Variants in PXDC1 observed in about 807,000 individuals in gnomAD.
The protein encoded by PXDC1 is PX domain-containing protein 1.
PXDC1 carries 13 observed loss-of-function variants against 24.4 expected under a neutral mutation model. That is an observed-to-expected ratio of 0.53 (90% CI 0.35 to 0.85). The LOEUF is 0.85. PXDC1 is among the 40% of genes least tolerant of loss of function. PXDC1 has a pLI of 0.01. For missense variants in PXDC1, 344 were observed against 309.3 expected (o/e 1.11, Z -0.84); for synonymous variants, 162 against 124.9 (o/e 1.30, Z -1.98).
intron 1 of PXDC1, among the ~76,000 whole-genome samples, chr6:3,746,996 T>C (rs916290438): frequency 6.6e-6 from 1 of 152,112 alleles, no homozygotes; most frequent in African/African-American, 2.4e-5. Context: ...AGCATGCAGG[T>C]AGATGAATGT....
chr6:3,748,515 C>T (rs747592393), intron 1 of PXDC1, among the ~76,000 whole-genome samples: 2 of 152,142 alleles, frequency 1.3e-5, no homozygotes, highest in Non-Finnish European at 2.9e-5. Flanking sequence ...GATGTGTCAC[C>T]GTGACACATA....
rs927903597 is a variant in PXDC1 at position 3,737,261 on chromosome 6, CAA to C, written c.349-67_349-66del. The C allele has an allele frequency of 9.9e-6, 11 of 1,116,298 alleles. No individual in the cohort carries two copies. In the Admixed American group the frequency reaches 1.7e-4, roughly 18 times the overall value. The allele number at this position is 1,116,298 out of a possible 1,614,324, so 69.1% of individuals were successfully genotyped here. A position where few individuals can be genotyped will look rare whatever the true frequency, so the allele number is the denominator to read the frequency against. ...CTACACGTTGGCCCTGTCTGTCTAC[CAA>C]GAGAGGGCCCCGCTCCTCCGCAGAG... On this transcript the variant is annotated intron_variant, in intron 2 of 4. Transcript: ENST00000380283. This position sits in a 1 kb window ranked among gnomAD's most constrained non-coding sequence, Gnocchi z 5.5.
In PXDC1 at chr6:3,732,177, C is replaced by T. The variant is rs143688256; in HGVS notation, c.467-4515G>A. On this transcript the variant is annotated intron_variant, in intron 3 of 4. Transcript: ENST00000380283. ...AGATGCAGCTATGTTTTCATAGCCC[C>T]ACAAACGTCACAACCCCTCACTTCA... Among the ~76,000 whole-genome samples, 872 of 152,340 alleles carry T rather than the reference C, an allele frequency of 5.7e-3. 7 individuals are homozygous for T. Among genetic ancestry groups the T allele is most frequent in the Non-Finnish European group, 9.4e-3 (639 of 68,032 alleles).
rs749722162 is a variant in PXDC1 at position 3,728,775 on chromosome 6, C to T, written c.467-1113G>A. On this transcript the variant is annotated intron_variant, in intron 3 of 4. Transcript: ENST00000380283. This position sits in a 1 kb window ranked among gnomAD's most constrained non-coding sequence, Gnocchi z 4.0. ...TCTAGGTATAAAAAGCTGCAGCGTT[C>T]GTTTGTATTTTCTGAGGGACCGCGT... Among the ~76,000 whole-genome samples the T allele has an allele frequency of 6.6e-6, 1 of 152,150 alleles. No individual in the cohort carries two copies. Among genetic ancestry groups the T allele is most frequent in the Admixed American group, 6.5e-5 (1 of 15,278 alleles).
chr6:3,739,528 G>A (rs528237853), intron 1 of PXDC1, among the ~76,000 whole-genome samples: 3 of 152,240 alleles, frequency 2.0e-5, no homozygotes, highest in East Asian at 3.9e-4. Flanking sequence ...GGCAGGGTCC[G>A]TGGTCTGTGA....
chr6:3,749,980 TG>T (rs1426103968), intron 1 of PXDC1, among the ~76,000 whole-genome samples: 2 of 152,250 alleles, frequency 1.3e-5, no homozygotes, highest in Admixed American at 6.5e-5. Flanking sequence ...CAAGGAAAAC[TG>T]CTTCCATGCT....
intron 1 of PXDC1, among the ~76,000 whole-genome samples, chr6:3,745,439 A>G (rs1434836012): frequency 6.6e-6 from 1 of 152,234 alleles, no homozygotes; most frequent in Non-Finnish European, 1.5e-5. Context: ...CTGCGTGCGG[A>G]TATTATTACT....
chr6:3,734,863 T>C (rs765813386), intron 3 of PXDC1, among the ~76,000 whole-genome samples: 1 of 152,098 alleles, frequency 6.6e-6, no homozygotes, highest in Non-Finnish European at 1.5e-5. Context: ...GGCAGATGGA[T>C]TGCTTGAGCT....
At chr6:3,738,034 G>A (rs1301673674) in intron 2 of PXDC1, 23 bp downstream of exon 2, 1 of 1,605,570 alleles carries the variant, frequency 6.2e-7, no homozygotes, top group East Asian at 2.2e-5. Flanking sequence ...TCCCTGCCCA[G>A]CCCGGGGCCT....
In PXDC1 at chr6:3,738,126, G is replaced by C. The variant is rs888676562; in HGVS notation, c.279C>G (p.Ala93=). ...CATTAAGCCTGGTCTCTATGTCGTG[G>C]GCTTCCTTTATGGCAACCAGTCCTA... ...LRQGLVAIKE[A]HDIETRLNEV... The change falls in exon 2 of 5, where the codon GCC becomes GCG. Residue 93 remains alanine, a synonymous_variant. Coordinates refer to ENST00000380283, the MANE Select transcript of PXDC1 (RefSeq NM_183373.4). 8.7e-6 allele frequency: 14 copies of C among 1,613,922 alleles called. No homozygotes were observed. The highest frequency in any genetic ancestry group is 1.2e-5 in the Non-Finnish European group (14 of 1,179,970).
intron 1 of PXDC1, among the ~76,000 whole-genome samples, chr6:3,745,324 G>A (rs1283508488): frequency 1.3e-5 from 2 of 152,278 alleles, no homozygotes; most frequent in African/African-American, 2.4e-5. Flanking sequence ...CACGTGGCAA[G>A]TGCCAGGGCA....
intron 1 of PXDC1, among the ~76,000 whole-genome samples, chr6:3,747,408 C>T (rs2127602657): frequency 6.6e-6 from 1 of 152,288 alleles, no homozygotes; most frequent in South Asian, 2.1e-4. Flanking sequence ...GCCAAATCAC[C>T]TCTCTGCTCA....
Position 3,725,119 on chromosome 6 carries a change from C to T in PXDC1, c.579-1383G>A, listed in dbSNP as rs1347652485. Among the ~76,000 whole-genome samples the T allele has an allele frequency of 6.6e-6, 1 of 152,114 alleles. No individual in the cohort carries two copies. The highest frequency in any genetic ancestry group is 1.5e-5 in the Non-Finnish European group (1 of 68,022). On this transcript the variant is annotated intron_variant, in intron 4 of 4. Coordinates refer to ENST00000380283, the MANE Select transcript of PXDC1 (RefSeq NM_183373.4). This position sits in a 1 kb window ranked among gnomAD's most constrained non-coding sequence, Gnocchi z 4.8. Reference sequence around the variant, plus strand: ...CATCCAGGGAATGAAATCTCTTCCCCAGACCAGGGCTGGATGGAAACCCAA... The same window carrying T: ...CATCCAGGGAATGAAATCTCTTCCCTAGACCAGGGCTGGATGGAAACCCAA...
At chr6:3,745,563 CT>C (rs772396345) in intron 1 of PXDC1, among the ~76,000 whole-genome samples, 8 of 151,724 alleles carry the variant, frequency 5.3e-5, no homozygotes, top group Non-Finnish European at 7.4e-5. Context: ...AAAGCCAGTG[CT>C]TTCAGCCTGA....
chr6:3,744,881 G>A (rs959145683), intron 1 of PXDC1, among the ~76,000 whole-genome samples: 2 of 152,180 alleles, frequency 1.3e-5, no homozygotes, highest in African/African-American at 4.8e-5. Context: ...TCTATCTTTA[G>A]TAGAGACGGG....
In PXDC1 at chr6:3,723,205, C is replaced by T. The variant is rs796240378; in HGVS notation, c.*414G>A. The stretch of plus-strand genomic sequence containing the variant: ...CCCTCAAGACGTTTTGTGCGTTTGC[C>T]GTGGGAGGGAATGGTGGGGAGTCAG... On this transcript the variant is annotated 3_prime_UTR_variant, in exon 5 of 5. Coordinates refer to ENST00000380283, the MANE Select transcript of PXDC1 (RefSeq NM_183373.4). 2.0e-4 allele frequency: 36 copies of T among 178,958 alleles called. No homozygotes were observed. Among genetic ancestry groups the T allele is most frequent in the African/African-American group, 7.9e-4 (34 of 42,778 alleles). 11.1% of individuals were successfully genotyped at this position (178,958 alleles called of 1,614,324 possible). A position where few individuals can be genotyped will look rare whatever the true frequency, so the allele number is the denominator to read the frequency against.
Position 3,725,081 on chromosome 6 carries a change from A to T in PXDC1, c.579-1345T>A, listed in dbSNP as rs1389478882. Among the ~76,000 whole-genome samples the T allele has an allele frequency of 6.6e-6, 1 of 152,118 alleles. No homozygotes were observed. The highest frequency in any genetic ancestry group is 1.5e-5 in the Non-Finnish European group (1 of 68,004). On this transcript the variant is annotated intron_variant, in intron 4 of 4. Transcript: ENST00000380283. The surrounding 1 kb of genome is among the most constrained non-coding windows in gnomAD (Gnocchi z 4.8). ...TATGGGGGGCTCACGGAGACAGAGC[A>T]GCTCTCCAACTTCATCCAGGGAATG...
intron 3 of PXDC1, among the ~76,000 whole-genome samples, chr6:3,735,257 C>T (rs950866365): frequency 1.4e-4 from 22 of 152,260 alleles, no homozygotes; most frequent in African/African-American, 5.3e-4. Flanking sequence ...TAAAAAGACA[C>T]ATAGACCAAT....
rs1018773732 is a variant in PXDC1 at position 3,724,122 on chromosome 6, G to A, written c.579-386C>T. On this transcript the variant is annotated intron_variant, in intron 4 of 4. Transcript: ENST00000380283. This position sits in a 1 kb window ranked among gnomAD's most constrained non-coding sequence, Gnocchi z 4.5. ...TGCTGGGCCCTGGGGACAGCTGAGA[G>A]AGGAGTGGTCACGAGCTCACAGCCT... 2.6e-5 allele frequency among the ~76,000 whole-genome samples: 4 copies of A among 152,210 alleles called. No individual in the cohort carries two copies. The highest frequency in any genetic ancestry group is 4.4e-5 in the Non-Finnish European group (3 of 68,040).
Sources: allele counts gnomAD v4.1 joint callset (sites outside exome capture counted in the v4.1 genomes callset), GRCh38; gene constraint gnomAD v4.1.1; non-coding constraint Gnocchi (gnomAD v3.1); transcripts MANE v1.5; gene names NCBI Gene and HGNC (gene_info 2026-07-23, HGNC 2026-07-21).